Variants in LRRC51 observed in about 807,000 individuals in gnomAD.
LRRC51 encodes the protein leucine-rich repeat-containing protein 51.
In LRRC51, 8 loss-of-function variants were observed where a neutral mutation model predicts 17.8. The ratio of observed to expected loss-of-function variants is 0.45; its 90% CI spans 0.26 to 0.81. LRRC51 has a LOEUF of 0.81. Ranked by LOEUF, LRRC51 falls within the 30% of genes least tolerant of loss-of-function variation. The probability of loss-of-function intolerance (pLI) is 0.17; values close to 1 mark genes in which losing one functional copy is unlikely to be tolerated. For synonymous variants in LRRC51, 92 were observed against 96.0 expected, an observed-to-expected ratio of 0.96 and a Z score of 0.24; for missense variants, 233 against 239.3, an observed-to-expected ratio of 0.97 and a Z score of 0.17.
intron 1 of LRRC51, among the ~76,000 whole-genome samples, chr11:72,087,192 G>T (rs1944579304): frequency 6.6e-6 from 1 of 150,854 alleles, no homozygotes; most frequent in East Asian, 2.0e-4. Flanking sequence ...CTTGATCCAT[G>T]TATATGTTAA....
intron 1 of LRRC51, among the ~76,000 whole-genome samples, chr11:72,083,063 C>A (rs1470334771): frequency 1.3e-5 from 2 of 152,180 alleles, no homozygotes; most frequent in African/African-American, 4.8e-5. Flanking sequence ...CGGGGTTTCT[C>A]CATGTTGGTC....
In LRRC51 at chr11:72,096,498, A is replaced by G. The variant is rs1248220376; in HGVS notation, c.*978A>G. On this transcript the variant is annotated 3_prime_UTR_variant, in exon 6 of 6. Transcript: ENST00000289488. ...GGTGATCTGCCCACCTCAGCCTCCC[A>G]AAGTGCTAGGATTACAGGATAAGCC... 1.7e-6 allele frequency: 2 copies of G among 1,199,700 alleles called. No homozygotes were observed. Among genetic ancestry groups the G allele is most frequent in the African/African-American group, 1.6e-5 (1 of 63,138 alleles). 74.3% of individuals were successfully genotyped at this position (1,199,700 alleles called of 1,614,324 possible). A position where few individuals can be genotyped will look rare whatever the true frequency, so the allele number is the denominator to read the frequency against.
chr11:72,082,845 A>G (rs1434236051), intron 1 of LRRC51, among the ~76,000 whole-genome samples: 5 of 148,834 alleles, frequency 3.4e-5, no homozygotes, highest in African/African-American at 1.2e-4. Flanking sequence ...GATACTGTTC[A>G]CTCTCTACCC....
intron 1 of LRRC51, among the ~76,000 whole-genome samples, chr11:72,084,850 A>AAAAG (rs1944437230): frequency 6.7e-6 from 1 of 148,276 alleles, no homozygotes; most frequent in Admixed American, 6.8e-5. Context: ...AAAAAAAAAA[A>AAAAG]AAAAGAAAAC....
chr11:72,083,488 C>A (rs1487214576), intron 1 of LRRC51, among the ~76,000 whole-genome samples: 2 of 152,162 alleles, frequency 1.3e-5, no homozygotes, highest in African/African-American at 4.8e-5. Context: ...TCATGGCCCT[C>A]TCCTTTGTAG....
At position 72,087,433 on chromosome 11, in the gene LRRC51, C is replaced by A. The variant is rs1371963690; in HGVS notation, c.-139-864C>A. Reference sequence around the variant, plus strand: ...CAAGCAATCCAACTGCCTCAGCCTCCCGAGTAATAAATTCCATTTTAAAGT... The same window carrying A: ...CAAGCAATCCAACTGCCTCAGCCTCACGAGTAATAAATTCCATTTTAAAGT... On this transcript the variant is annotated intron_variant, in intron 1 of 5. Transcript: ENST00000289488. Among the ~76,000 whole-genome samples the A allele has an allele frequency of 4.6e-5, 7 of 152,148 alleles. No homozygotes were observed. The East Asian group carries it at 1.2e-3, about 25-fold the overall frequency.
chr11:72,090,953 T>C (rs914510932), intron 3 of LRRC51, among the ~76,000 whole-genome samples: 5 of 152,168 alleles, frequency 3.3e-5, no homozygotes, highest in Non-Finnish European at 5.9e-5. Flanking sequence ...AGCTAAATGC[T>C]CCCCAGTTCC....
Position 72,096,754 on chromosome 11 carries a change from C to A in LRRC51, c.*1234C>A, listed in dbSNP as rs1199934841. Reference sequence around the variant, plus strand: ...AGGGTCTGTAGAGATGCCTCACAGGCCTCCATGACAGGCCAAGAAGATGGC... The same window carrying A: ...AGGGTCTGTAGAGATGCCTCACAGGACTCCATGACAGGCCAAGAAGATGGC... On this transcript the variant is annotated 3_prime_UTR_variant, in exon 6 of 6. Transcript: ENST00000289488. 3 of 1,499,004 alleles carry A rather than the reference C, an allele frequency of 2.0e-6. No homozygotes were observed. The highest frequency in any genetic ancestry group is 1.4e-5 in the African/African-American group (1 of 70,786). 92.9% of individuals were successfully genotyped at this position (1,499,004 alleles called of 1,614,324 possible).
rs1398507047 is a variant in LRRC51, at chr11:72,092,623, CT to C, written c.83-869del. 4.6e-5 allele frequency among the ~76,000 whole-genome samples: 7 copies of C among 152,376 alleles called. No homozygotes were observed. In the South Asian group the frequency reaches 6.2e-4, roughly 14 times the overall value. ...AAGATCCTTAGCCTGACATTTGAGA[CT>C]TTTGACTGGATTCCTGCCTCCTTTT... is the stretch of plus-strand genomic sequence containing the variant. On this transcript the variant is annotated intron_variant, in intron 3 of 5. Transcript: ENST00000289488.
At position 72,096,520 on chromosome 11, in the gene LRRC51, A is replaced by G; in HGVS notation, c.*1000A>G. 2 of 1,286,736 alleles carry G rather than the reference A, an allele frequency of 1.6e-6. No homozygotes were observed. Among genetic ancestry groups the G allele is most frequent in the Non-Finnish European group, 2.0e-6 (2 of 1,015,546 alleles). 79.7% of individuals were successfully genotyped at this position (1,286,736 alleles called of 1,614,324 possible). A position where few individuals can be genotyped will look rare whatever the true frequency, so the allele number is the denominator to read the frequency against. ...CCCAAAGTGCTAGGATTACAGGATA[A>G]GCCACTGCACCTGGCCAGCTCTAGT... On this transcript the variant is annotated 3_prime_UTR_variant, in exon 6 of 6. Transcript: ENST00000289488.
chr11:72,086,846 T>G (rs1040177001), intron 1 of LRRC51, among the ~76,000 whole-genome samples: 2 of 152,220 alleles, frequency 1.3e-5, no homozygotes, highest in Non-Finnish European at 2.9e-5. Context: ...CAACCCAGTA[T>G]TTACTTTGAG....
rs1180782059 is a variant in LRRC51 at position 72,093,548 on chromosome 11, G to T, written c.135G>T (p.Lys45Asn). Residue 45 changes from lysine (K) to asparagine (N), a missense_variant, in exon 4 of 6, where the codon AAG becomes AAT. By Grantham distance (94) the Lys-to-Asn change is moderately conservative. Coordinates refer to ENST00000289488, the MANE Select transcript of LRRC51 (RefSeq NM_145309.6). The part of the protein sequence containing the change: ...RTGLRPLKRS[K>N]SGKSLTQSLW... Reference sequence around the variant, plus strand: ...GACTACGACCACTGAAGCGTTCAAAGTCGGGGAAATCACTGACCCAGTCCC... The same window carrying T: ...GACTACGACCACTGAAGCGTTCAAATTCGGGGAAATCACTGACCCAGTCCC... 6.2e-7 allele frequency: 1 copy of T among 1,614,218 alleles called. No homozygotes were observed. Among genetic ancestry groups the T allele is most frequent in the Non-Finnish European group, 8.5e-7 (1 of 1,180,024 alleles).
In LRRC51 at chr11:72,093,842, CAGAT is replaced by C. The variant is rs1236814489; in HGVS notation, c.288+146_288+149del. 1.9e-5 allele frequency: 16 copies of C among 828,826 alleles called. No homozygotes were observed. In the East Asian group the frequency reaches 3.8e-4, roughly 20 times the overall value. 51.3% of individuals were successfully genotyped at this position (828,826 alleles called of 1,614,324 possible). A position where few individuals can be genotyped will look rare whatever the true frequency, so the allele number is the denominator to read the frequency against. On this transcript the variant is annotated intron_variant, in intron 4 of 5. Transcript: ENST00000289488. ...CAAAGCACAAGGCTAGGGGGCCAGA[CAGAT>C]AGATGTAGGTTCAAATCCTGGGTTT...
intron 1 of LRRC51, among the ~76,000 whole-genome samples, chr11:72,084,861 C>CGTGTGTGTGT (rs55904624): frequency 2.4e-5 from 3 of 124,298 alleles, no homozygotes; most frequent in African/African-American, 9.5e-5. Context: ...AAAAGAAAAC[C>CGTGTGTGTGT]GTGTGTGTGT....
chr11:72,093,667 A>G lies in LRRC51; in HGVS notation c.254A>G (p.Asp85Gly). 6.2e-7 allele frequency: 1 copy of G among 1,614,174 alleles called. No individual in the cohort carries two copies. The highest frequency in any genetic ancestry group is 1.1e-5 in the South Asian group (1 of 91,080). ...LEHPENLAWI[D>G]LSFNDLTSID... ...CACCCAGAGAACCTGGCCTGGATCG[A>G]CCTGTCCTTTAATGACCTGACTTCC... Residue 85 changes from aspartate (D) to glycine (G), a missense_variant, in exon 4 of 6, where the codon GAC becomes GGC. Asp to Gly is a moderately conservative substitution (Grantham distance 94). Transcript: ENST00000289488.
intron 3 of LRRC51, among the ~76,000 whole-genome samples, chr11:72,090,219 C>T (rs1482525140): frequency 6.6e-6 from 1 of 152,168 alleles, no homozygotes; most frequent in East Asian, 1.9e-4. Context: ...ATCCATGTTT[C>T]ACAAGGGGTT....
At chr11:72,090,127 A>G (rs551580170) in intron 3 of LRRC51, among the ~76,000 whole-genome samples, 24 of 152,344 alleles carry the variant, frequency 1.6e-4, no homozygotes, top group African/African-American at 5.8e-4. Context: ...CATCAGCCAC[A>G]GTGGTAACTC....
chr11:72,093,210 C>T (rs1462066273), intron 3 of LRRC51, among the ~76,000 whole-genome samples: 1 of 152,206 alleles, frequency 6.6e-6, no homozygotes, highest in Non-Finnish European at 1.5e-5. Context: ...TTTCCTCAAC[C>T]CCACACTGGT....
At chr11:72,092,594 G>A (rs577469536) in intron 3 of LRRC51, among the ~76,000 whole-genome samples, 2 of 152,340 alleles carry the variant, frequency 1.3e-5, no homozygotes, top group Admixed American at 1.3e-4. Context: ...ACAGGGTAAA[G>A]CCCAAGATCC....
Sources: allele counts gnomAD v4.1 joint callset (sites outside exome capture counted in the v4.1 genomes callset), GRCh38; gene constraint gnomAD v4.1.1; transcripts MANE v1.5; gene names NCBI Gene and HGNC (gene_info 2026-07-23, HGNC 2026-07-21).